The following TATDN1 variants were observed in gnomAD, a reference collection of about 807,000 sequenced individuals.
TATDN1 encodes the protein TatD DNase domain containing 1, also known as deoxyribonuclease TATDN1.
Under a neutral mutation model 46.4 loss-of-function variants are expected in TATDN1, and 40 were observed. That is an observed-to-expected ratio of 0.86 (90% CI 0.67 to 1.12). The LOEUF (loss-of-function observed/expected upper bound fraction) is 1.12. TATDN1 is among the 50% of genes most tolerant of loss of function. The pLI is 0.00. For missense variants in TATDN1, 326 were observed against 348.4 expected, an observed-to-expected ratio of 0.94 and a Z score of 0.51; for synonymous variants, 95 against 105.6, an observed-to-expected ratio of 0.90 and a Z score of 0.62.
chr8:124,523,361 A>G (rs553654344), intron 1 of TATDN1: 6 of 217,142 alleles, frequency 2.8e-5, no homozygotes, highest in African/African-American at 1.4e-4. Flanking sequence ...ACTGAATCTT[A>G]AAGGATGAGT....
chr8:124,518,246 C>T (rs201313991), intron 4 of TATDN1, among the ~76,000 whole-genome samples: 2 of 106,866 alleles, frequency 1.9e-5, no homozygotes, highest in East Asian at 2.7e-4. Flanking sequence ...AAAAAAAGGC[C>T]GGGTGCAGTG....
At chr8:124,489,012 A>AT in intron 11 of TATDN1, 1 of 306,778 alleles carries the variant, frequency 3.3e-6, no homozygotes, top group Non-Finnish European at 6.1e-6. Flanking sequence ...ATTGTGAGTC[A>AT]TAGCATGTTC....
intron 1 of TATDN1, among the ~76,000 whole-genome samples, chr8:124,538,110 C>T (rs1020143121): frequency 3.3e-5 from 5 of 152,120 alleles, no homozygotes; most frequent in African/African-American, 1.2e-4. Flanking sequence ...CTCTCTTCAC[C>T]GCCAAACTAG....
intron 8 of TATDN1, among the ~76,000 whole-genome samples, chr8:124,506,271 G>C (rs905319471): frequency 7.3e-6 from 1 of 137,234 alleles, no homozygotes. Flanking sequence ...GAAGACAGAA[G>C]TTGTGGTGAG....
chr8:124,498,931 T>C (rs1254295854), intron 9 of TATDN1, among the ~76,000 whole-genome samples: 1 of 151,278 alleles, frequency 6.6e-6, no homozygotes, highest in Non-Finnish European at 1.5e-5. Flanking sequence ...ATTACAGGCA[T>C]GAGCCACTGC....
At chr8:124,516,167 CATT>C in intron 4 of TATDN1, 137 bp from the exon 5 acceptor site, 2 of 681,500 alleles carry the variant, frequency 2.9e-6, no homozygotes, top group Non-Finnish European at 4.5e-6. Context: ...ATAAGAACTG[CATT>C]ATGTTAATCA....
chr8:124,489,819 T>C (rs1379851943), intron 11 of TATDN1: 3 of 152,232 alleles, frequency 2.0e-5, no homozygotes, highest in African/African-American at 7.2e-5. Context: ...AGTTCCAAAG[T>C]CCAAATTGAA....
chr8:124,493,472 C>A (rs1166323078), intron 11 of TATDN1, among the ~76,000 whole-genome samples: 1 of 152,108 alleles, frequency 6.6e-6, no homozygotes, highest in East Asian at 1.9e-4. Flanking sequence ...AAGTCCCACC[C>A]CCTTTGATTG....
At chr8:124,489,677 G>T (rs1196225094) in intron 11 of TATDN1, 1 of 152,286 alleles carries the variant, frequency 6.6e-6, no homozygotes, top group Non-Finnish European at 1.5e-5. Flanking sequence ...GCCTCCCAAA[G>T]TGCTGGGATT....
chr8:124,490,754 GTTT>G (rs71289672), intron 11 of TATDN1, among the ~76,000 whole-genome samples: 2 of 144,738 alleles, frequency 1.4e-5, no homozygotes, highest in Admixed American at 1.4e-4. Flanking sequence ...ACAGGTTTTT[GTTT>G]TTTTTTTTTG....
At chr8:124,526,946 C>A (rs1586666967) in intron 1 of TATDN1, 1 of 152,340 alleles carries the variant, frequency 6.6e-6, no homozygotes, top group South Asian at 2.1e-4. Context: ...AATGACACTA[C>A]TATTTAGCAA....
intron 6 of TATDN1, among the ~76,000 whole-genome samples, chr8:124,508,941 G>T (rs1818762757): frequency 6.6e-6 from 1 of 152,122 alleles, no homozygotes; most frequent in Non-Finnish European, 1.5e-5. Flanking sequence ...TAACACCACT[G>T]GCCCCTTGCC....
intron 11 of TATDN1, chr8:124,488,995 C>A (rs568870386): frequency 9.1e-6 from 3 of 328,014 alleles, no homozygotes; most frequent in African/African-American, 6.7e-5. Flanking sequence ...ATGAAGAGTC[C>A]TTTTCAATTG....
intron 1 of TATDN1, among the ~76,000 whole-genome samples, chr8:124,534,173 A>AAAAAAAAAAAC (rs1821231513): frequency 6.8e-6 from 1 of 146,122 alleles, no homozygotes; most frequent in Non-Finnish European, 1.5e-5. Flanking sequence ...AAAAAAAAAA[A>AAAAAAAAAAAC]AAAAAAGAAA....
intron 8 of TATDN1, among the ~76,000 whole-genome samples, chr8:124,506,680 G>C (rs903811726): frequency 1.3e-5 from 2 of 152,222 alleles, no homozygotes; most frequent in African/African-American, 4.8e-5. Flanking sequence ...GCATGGGAAT[G>C]CAAGTGCTTG....
At chr8:124,513,510 G>A (rs1334460340) in intron 6 of TATDN1, among the ~76,000 whole-genome samples, 12 of 152,166 alleles carry the variant, frequency 7.9e-5, no homozygotes, top group African/African-American at 1.7e-4. Context: ...TTTACTGAAT[G>A]TAGTTTGAAC....
intron 8 of TATDN1, among the ~76,000 whole-genome samples, chr8:124,505,979 G>C (rs371313735): frequency 1.1e-3 from 169 of 152,048 alleles, no homozygotes; most frequent in African/African-American, 3.9e-3. Flanking sequence ...CAAACATTTA[G>C]GTTGGATTTG....
intron 11 of TATDN1, chr8:124,491,403 C>G (rs1313662161): frequency 6.6e-6 from 1 of 152,320 alleles, no homozygotes; most frequent in African/African-American, 2.4e-5. Flanking sequence ...TTTCTCTGGC[C>G]TAACTCCCAG....
intron 1 of TATDN1, among the ~76,000 whole-genome samples, chr8:124,529,965 G>C (rs1195671135): frequency 4.6e-5 from 7 of 152,136 alleles, no homozygotes; most frequent in Non-Finnish European, 1.0e-4. Flanking sequence ...GGTGGCAGGT[G>C]CCTGTAATCC....
Sources: allele counts gnomAD v4.1 joint callset (sites outside exome capture counted in the v4.1 genomes callset), GRCh38; gene constraint gnomAD v4.1.1; transcripts MANE v1.5; gene names NCBI Gene and HGNC (gene_info 2026-07-23, HGNC 2026-07-21).